The following VTI1A variants were observed in gnomAD, a reference collection of about 807,000 sequenced individuals.
The protein encoded by VTI1A is vesicle transport through interaction with t-SNAREs homolog 1A.
A neutral mutation model predicts 34.9 loss-of-function variants in VTI1A; 22 were observed. The observed-to-expected ratio is 0.63, with a 90% CI of 0.45 to 0.90. The LOEUF (loss-of-function observed/expected upper bound fraction) is 0.90, where lower values mean the gene tolerates loss of function less well. Ranked by LOEUF, VTI1A falls within the 40% of genes least tolerant of loss-of-function variation. The pLI is 0.00. For synonymous variants in VTI1A, 87 were observed against 97.3 expected, an observed-to-expected ratio of 0.89 and a Z score of 0.62; for missense variants, 268 against 275.6, an observed-to-expected ratio of 0.97 and a Z score of 0.20.
At chr10:112,744,911 A>T (rs1850840487) in intron 7 of VTI1A, among the ~76,000 whole-genome samples, 1 of 152,190 alleles carries the variant, frequency 6.6e-6, no homozygotes, top group Admixed American at 6.5e-5. Context: ...GTTTTGTGGG[A>T]CCTGAAGCAT....
At chr10:112,836,423 A>G in the VTI1A span, among the ~76,000 whole-genome samples, 1 of 152,224 alleles carries the variant, frequency 6.6e-6, no homozygotes, top group Non-Finnish European at 1.5e-5. Flanking sequence ...CTACTTGCAG[A>G]GCCAAGAATA....
At chr10:112,711,370 C>T (rs1011427055) in intron 7 of VTI1A, among the ~76,000 whole-genome samples, 3 of 152,174 alleles carry the variant, frequency 2.0e-5, no homozygotes, top group African/African-American at 7.2e-5. Context: ...GTTCAGGGGC[C>T]ATGTCAGTGT....
intron 3 of VTI1A, among the ~76,000 whole-genome samples, chr10:112,500,705 T>C (rs1384855312): frequency 6.6e-6 from 1 of 152,218 alleles, no homozygotes. Context: ...AATGTTGGAC[T>C]CTTGATTATA....
chr10:112,500,403 C>A (rs1013225895), intron 3 of VTI1A, among the ~76,000 whole-genome samples: 3 of 151,272 alleles, frequency 2.0e-5, no homozygotes, highest in African/African-American at 7.3e-5. Flanking sequence ...CCACGGCACT[C>A]ACTCCAGCCT....
intron 7 of VTI1A, among the ~76,000 whole-genome samples, chr10:112,786,380 G>T (rs948402375): frequency 6.6e-6 from 1 of 152,114 alleles, no homozygotes; most frequent in Non-Finnish European, 1.5e-5. Flanking sequence ...CGTCAGTTGT[G>T]AATGACAACA....
chr10:112,674,001 A>G (rs1250921914), intron 7 of VTI1A, among the ~76,000 whole-genome samples: 1 of 152,204 alleles, frequency 6.6e-6, no homozygotes, highest in Non-Finnish European at 1.5e-5. Context: ...TGTTCTTACT[A>G]CAATGTCTGA....
At chr10:112,733,203 G>C (rs187511709) in intron 7 of VTI1A, among the ~76,000 whole-genome samples, 2 of 152,014 alleles carry the variant, frequency 1.3e-5, no homozygotes, top group African/African-American at 4.8e-5. Flanking sequence ...TTTTTGGTTT[G>C]ATTTTTTATT....
At chr10:112,459,862 A>C (rs1438527631) in intron 1 of VTI1A, among the ~76,000 whole-genome samples, 1 of 152,198 alleles carries the variant, frequency 6.6e-6, no homozygotes, top group Non-Finnish European at 1.5e-5. Flanking sequence ...TATAATATTA[A>C]AGTAATTTCA....
intron 7 of VTI1A, among the ~76,000 whole-genome samples, chr10:112,717,552 G>C (rs964087567): frequency 1.3e-5 from 2 of 152,088 alleles, no homozygotes; most frequent in African/African-American, 4.8e-5. Flanking sequence ...TTAGTCAAAA[G>C]GCCCTTCCAT....
chr10:112,805,300 A>G (rs1213972253), intron 7 of VTI1A, among the ~76,000 whole-genome samples: 2 of 152,190 alleles, frequency 1.3e-5, no homozygotes, highest in Non-Finnish European at 2.9e-5. Context: ...CAAAAGAAGA[A>G]TTTTTGACAT....
chr10:112,535,216 A>T (rs1342805359), intron 4 of VTI1A, among the ~76,000 whole-genome samples: 2 of 152,208 alleles, frequency 1.3e-5, no homozygotes, highest in Non-Finnish European at 2.9e-5. Context: ...TATAATTGGA[A>T]AAATTAGATT....
chr10:112,457,196 G>A (rs938751152), intron 1 of VTI1A, among the ~76,000 whole-genome samples: 5 of 152,162 alleles, frequency 3.3e-5, no homozygotes, highest in Non-Finnish European at 5.9e-5. Flanking sequence ...TAACTGCTAA[G>A]CTCAACTGAC....
intron 7 of VTI1A, among the ~76,000 whole-genome samples, chr10:112,692,159 C>T (rs1590075881): frequency 6.6e-6 from 1 of 152,180 alleles, no homozygotes; most frequent in African/African-American, 2.4e-5. Flanking sequence ...ACAAACTCAC[C>T]ACCCTAGAGT....
intron 7 of VTI1A, among the ~76,000 whole-genome samples, chr10:112,796,150 G>A (rs1394046211): frequency 6.6e-6 from 1 of 152,122 alleles, no homozygotes; most frequent in African/African-American, 2.4e-5. Context: ...TGTAGTCCCA[G>A]CACTTTGAGA....
intron 7 of VTI1A, among the ~76,000 whole-genome samples, chr10:112,775,561 C>G (rs1180394733): frequency 1.3e-5 from 2 of 151,710 alleles, no homozygotes; most frequent in Admixed American, 6.6e-5. Context: ...GATTCAAATT[C>G]CTAACAGCAG....
intron 5 of VTI1A, among the ~76,000 whole-genome samples, chr10:112,544,986 G>A (rs904732284): frequency 1.4e-4 from 21 of 152,292 alleles, no homozygotes; most frequent in Middle Eastern, 3.4e-3. Flanking sequence ...TCAGGCAAGC[G>A]ACCTGATCTG....
intron 5 of VTI1A, among the ~76,000 whole-genome samples, chr10:112,565,877 T>A: frequency 6.6e-6 from 1 of 152,292 alleles, no homozygotes; most frequent in Admixed American, 6.5e-5. Context: ...ACCTCATTTT[T>A]AAAAGTTTTT....
intron 7 of VTI1A, among the ~76,000 whole-genome samples, chr10:112,711,555 A>G (rs907183590): frequency 6.6e-6 from 1 of 152,230 alleles, no homozygotes; most frequent in Non-Finnish European, 1.5e-5. Flanking sequence ...GCTTCAGGCC[A>G]TACTCCCTGA....
At chr10:112,694,530 C>G (rs1158541715) in intron 7 of VTI1A, among the ~76,000 whole-genome samples, 4 of 151,912 alleles carry the variant, frequency 2.6e-5, no homozygotes, top group Non-Finnish European at 5.9e-5. Context: ...GGAGAGAACT[C>G]TAATGTCTGG....
Sources: allele counts gnomAD v4.1 joint callset (sites outside exome capture counted in the v4.1 genomes callset), GRCh38; gene constraint gnomAD v4.1.1; transcripts MANE v1.5; gene names NCBI Gene and HGNC (gene_info 2026-07-23, HGNC 2026-07-21).